Variants in MBNL1 observed in about 807,000 individuals in gnomAD.
MBNL1 encodes the protein muscleblind-like protein 1.
In MBNL1, 8 loss-of-function variants were observed where a neutral mutation model predicts 42.2. The observed-to-expected ratio is 0.19, with a 90% confidence interval of 0.11 to 0.34. The LOEUF (loss-of-function observed/expected upper bound fraction) is 0.34, where lower values mean the gene tolerates loss of function less well. Ranked by LOEUF, MBNL1 falls within the 10% of genes least tolerant of loss-of-function variation. MBNL1 has a pLI of 1.00. For synonymous variants in MBNL1, 169 were observed against 173.9 expected, an observed-to-expected ratio of 0.97 and a Z score of 0.22; for missense variants, 309 against 495.3, an observed-to-expected ratio of 0.62 and a Z score of 3.57.
rs552220920 is a variant in MBNL1 at position 152,463,641 on chromosome 3, G to A, written c.*1275G>A. 151 of 152,272 alleles carry A rather than the reference G, an allele frequency of 9.9e-4. No individual in the cohort carries two copies. Among genetic ancestry groups the A allele is most frequent in the African/African-American group, 3.6e-3 (149 of 41,434 alleles). 9.4% of individuals were successfully genotyped at this position (152,272 alleles called of 1,614,324 possible). On this transcript the variant is annotated 3_prime_UTR_variant, in exon 10 of 10. Transcript: ENST00000324210. ...TTATATGTGATTTTTGTTTTGTTTT[G>A]TTTTGTTCAGATTAACTGCTTATAG...
chr3:152,367,017 T>C (rs2096414347), intron 2 of MBNL1, among the ~76,000 whole-genome samples: 1 of 152,128 alleles, frequency 6.6e-6, no homozygotes. Flanking sequence ...AAAGGAACAA[T>C]ACATTAGACG....
chr3:152,381,315 G>T (rs2097170851), intron 2 of MBNL1, among the ~76,000 whole-genome samples: 1 of 151,860 alleles, frequency 6.6e-6, no homozygotes, highest in Non-Finnish European at 1.5e-5. Flanking sequence ...ACTTCAGGCA[G>T]GAGTAGAAAA....
chr3:152,433,252 G>C (rs1255759908), intron 4 of MBNL1, among the ~76,000 whole-genome samples: 1 of 152,052 alleles, frequency 6.6e-6, no homozygotes, highest in African/African-American at 2.4e-5. Flanking sequence ...CATAGCAAAT[G>C]CCTCCTGAAT....
At chr3:152,388,797 A>G (rs760431125) in intron 2 of MBNL1, among the ~76,000 whole-genome samples, 12 of 152,356 alleles carry the variant, frequency 7.9e-5, no homozygotes, top group South Asian at 6.2e-4. Context: ...GGTAGCCTGC[A>G]TGTGCATTAT....
At chr3:152,428,434 A>G (rs753396369) in intron 3 of MBNL1, among the ~76,000 whole-genome samples, 2 of 152,208 alleles carry the variant, frequency 1.3e-5, no homozygotes, top group African/African-American at 4.8e-5. Flanking sequence ...GAGGGTAAGA[A>G]AAACCCCTTT....
At chr3:152,330,986 A>G (rs934402481) in intron 2 of MBNL1, among the ~76,000 whole-genome samples, 6 of 152,118 alleles carry the variant, frequency 3.9e-5, no homozygotes, top group Non-Finnish European at 7.4e-5. Flanking sequence ...CAGTGCTTCC[A>G]TGGCTTGCTT....
At chr3:152,324,427 G>A (rs573557598) in intron 2 of MBNL1, among the ~76,000 whole-genome samples, 2 of 152,230 alleles carry the variant, frequency 1.3e-5, no homozygotes, top group East Asian at 1.9e-4. Flanking sequence ...CTTGTTGAAG[G>A]TTACAGGCAG....
At chr3:152,284,076 T>C (rs1325079318) in intron 1 of MBNL1, among the ~76,000 whole-genome samples, 1 of 152,184 alleles carries the variant, frequency 6.6e-6, no homozygotes, top group East Asian at 1.9e-4. Flanking sequence ...ATATCTAGGC[T>C]ACATATAAAA....
At chr3:152,338,957 G>GTA (rs773381716) in intron 2 of MBNL1, among the ~76,000 whole-genome samples, 1 of 152,088 alleles carries the variant, frequency 6.6e-6, no homozygotes, top group Non-Finnish European at 1.5e-5. Flanking sequence ...AATCTGCATT[G>GTA]TATATCTAGT....
At chr3:152,432,981 T>C in intron 4 of MBNL1, 61 bp downstream of exon 4, 3 of 1,497,040 alleles carry the variant, frequency 2.0e-6, no homozygotes, top group Non-Finnish European at 1.8e-6. Flanking sequence ...TGTGGTTTTT[T>C]GTTTGTTTGT....
chr3:152,371,495 G>T (rs2096658225), intron 2 of MBNL1, among the ~76,000 whole-genome samples: 1 of 152,206 alleles, frequency 6.6e-6, no homozygotes, highest in Non-Finnish European at 1.5e-5. Context: ...TACTTGGGAG[G>T]CTGAGGCAGG....
intron 1 of MBNL1, among the ~76,000 whole-genome samples, chr3:152,290,519 A>G (rs1422428177): frequency 6.6e-6 from 1 of 152,064 alleles, no homozygotes; most frequent in Non-Finnish European, 1.5e-5. Flanking sequence ...GTGCTGTGGA[A>G]ATATTTTCTT....
chr3:152,424,425 G>T (rs1490348444), intron 3 of MBNL1, among the ~76,000 whole-genome samples: 1 of 152,078 alleles, frequency 6.6e-6, no homozygotes, highest in Non-Finnish European at 1.5e-5. Context: ...AATAAGAGAG[G>T]ACACAAGCAA....
At chr3:152,372,540 C>G (rs1433101405) in intron 2 of MBNL1, among the ~76,000 whole-genome samples, 1 of 152,110 alleles carries the variant, frequency 6.6e-6, no homozygotes, top group Non-Finnish European at 1.5e-5. Flanking sequence ...AGTTTTTCTC[C>G]TAACAGGCAG....
intron 2 of MBNL1, among the ~76,000 whole-genome samples, chr3:152,361,084 A>G (rs1261790981): frequency 1.3e-5 from 2 of 152,148 alleles, no homozygotes; most frequent in African/African-American, 4.8e-5. Flanking sequence ...AAATATTACC[A>G]TTGTAAGTGT....
Position 152,445,353 on chromosome 3 carries a change from C to T in MBNL1, c.621C>T (p.Asp207=). 1 of 1,614,052 alleles carries T rather than the reference C, an allele frequency of 6.2e-7. No homozygotes were observed. Among genetic ancestry groups the T allele is most frequent in the Non-Finnish European group, 8.5e-7 (1 of 1,179,946 alleles). Residue 207 remains aspartate, a synonymous_variant, in exon 5 of 10, where the codon GAC becomes GAT. Transcript: ENST00000324210. ...ENDCRFAHPA[D]STMIDTNDNT... ...ATTGTCGGTTTGCTCATCCTGCTGA[C>T]AGCACAATGATTGACACCAATGACA...
chr3:152,291,672 A>G (rs972209572), intron 1 of MBNL1, among the ~76,000 whole-genome samples: 1 of 152,222 alleles, frequency 6.6e-6, no homozygotes, highest in African/African-American at 2.4e-5. Flanking sequence ...TCTCTCATGG[A>G]GCTTACATTT....
chr3:152,300,823 C>A, intron 2 of MBNL1: 1 of 416,760 alleles, frequency 2.4e-6, no homozygotes, highest in Non-Finnish European at 3.2e-6. Flanking sequence ...ACTTTTTACT[C>A]TTTTAATATT....
intron 1 of MBNL1, among the ~76,000 whole-genome samples, chr3:152,278,357 C>T (rs573767548): frequency 2.0e-5 from 3 of 152,000 alleles, no homozygotes; most frequent in Admixed American, 2.0e-4. Context: ...AAGTGAACGA[C>T]GGAGGATACA....
Sources: allele counts gnomAD v4.1 joint callset (sites outside exome capture counted in the v4.1 genomes callset), GRCh38; gene constraint gnomAD v4.1.1; transcripts MANE v1.5; gene names NCBI Gene and HGNC (gene_info 2026-07-23, HGNC 2026-07-21).